Variants in GOLT1A observed in about 807,000 individuals in gnomAD.
The protein encoded by GOLT1A is golgi transport 1A, also known as vesicle transport protein GOT1A.
A neutral mutation model predicts 16.1 loss-of-function variants in GOLT1A; 10 were observed. The observed-to-expected ratio is 0.62, with a 90% CI of 0.38 to 1.05. The LOEUF is 1.05. GOLT1A is among the 50% of genes least tolerant of loss of function. GOLT1A has a pLI of 0.01. For missense variants in GOLT1A, 137 were observed against 165.7 expected (o/e 0.83, Z 0.95); for synonymous variants, 60 against 67.9 (o/e 0.88, Z 0.57).
chr1:204,202,849 A>G, intron 2 of GOLT1A, 47 bp downstream of exon 2: 1 of 1,367,616 alleles, frequency 7.3e-7, no homozygotes, highest in Non-Finnish European at 1.0e-6. Context: ...TAGAGACTTC[A>G]GAAAGGTTGG....
intron 4 of GOLT1A, 81 bp from the exon 5 acceptor site, chr1:204,198,577 G>C: frequency 2.2e-6 from 3 of 1,358,800 alleles, no homozygotes; most frequent in East Asian, 2.3e-5. Context: ...CTGGCCTTGA[G>C]AGCCAGGAGC....
chr1:204,207,849 A>G (rs1226203297), intron 1 of GOLT1A, among the ~76,000 whole-genome samples: 1 of 152,222 alleles, frequency 6.6e-6, no homozygotes, highest in Non-Finnish European at 1.5e-5. Flanking sequence ...CACTAAGGAC[A>G]TGAATAGACA....
intron 1 of GOLT1A, among the ~76,000 whole-genome samples, chr1:204,212,781 C>T (rs942102900): frequency 6.6e-6 from 1 of 152,062 alleles, no homozygotes; most frequent in African/African-American, 2.4e-5. Flanking sequence ...AGGTCATTAC[C>T]ATGGTCTATA....
At chr1:204,207,156 G>A (rs906455686) in intron 1 of GOLT1A, among the ~76,000 whole-genome samples, 1 of 152,256 alleles carries the variant, frequency 6.6e-6, no homozygotes, top group African/African-American at 2.4e-5. Context: ...CAGCAACCAT[G>A]GCAGAAAGAG....
chr1:204,205,830 G>A (rs921577167), intron 1 of GOLT1A, among the ~76,000 whole-genome samples: 7 of 152,192 alleles, frequency 4.6e-5, no homozygotes, highest in Non-Finnish European at 8.8e-5. Flanking sequence ...AGCACTTTGG[G>A]AGGCTGATGT....
intron 1 of GOLT1A, among the ~76,000 whole-genome samples, chr1:204,207,736 A>G (rs1432354107): frequency 6.6e-6 from 1 of 152,204 alleles, no homozygotes; most frequent in Non-Finnish European, 1.5e-5. Flanking sequence ...GGAAACTTGC[A>G]AGTACAGTAC....
intron 1 of GOLT1A, among the ~76,000 whole-genome samples, chr1:204,208,758 A>G (rs1336430043): frequency 6.6e-6 from 1 of 151,968 alleles, no homozygotes; most frequent in East Asian, 1.9e-4. Context: ...TACAATGTAC[A>G]CTGCTCGGGT....
At chr1:204,211,613 T>C (rs147826107) in intron 1 of GOLT1A, among the ~76,000 whole-genome samples, 1 of 152,338 alleles carries the variant, frequency 6.6e-6, no homozygotes, top group Non-Finnish European at 1.5e-5. Context: ...GGTAAGAGTA[T>C]ATTACTTGCA....
intron 1 of GOLT1A, among the ~76,000 whole-genome samples, chr1:204,207,440 C>T (rs1659059235): frequency 6.6e-6 from 1 of 152,160 alleles, no homozygotes. Flanking sequence ...GCACTGGTGC[C>T]CTTGTTTAGC....
chr1:204,210,875 T>C (rs759276500), intron 1 of GOLT1A, among the ~76,000 whole-genome samples: 10 of 152,166 alleles, frequency 6.6e-5, no homozygotes, highest in Non-Finnish European at 1.2e-4. Flanking sequence ...ACTGGGCTAA[T>C]CTTCAATCCC....
rs995483155 is a variant in GOLT1A, at chr1:204,213,969, C to A, written c.-63G>T. ...GGCAAGTGGAGCGTGGCCCAGAGGA[C>A]GCAGCTGGTACATGGTCACGGGAAG... is the stretch of plus-strand genomic sequence containing the variant. On this transcript the variant is annotated 5_prime_UTR_variant, in exon 1 of 5. Transcript: ENST00000308302. The A allele has an allele frequency of 5.1e-6, 8 of 1,578,998 alleles. No homozygotes were observed. The highest frequency in any genetic ancestry group is 1.7e-4 in the Middle Eastern group (1 of 6,028).
intron 1 of GOLT1A, among the ~76,000 whole-genome samples, chr1:204,208,379 CAT>C (rs1257528959): frequency 1.1e-4 from 9 of 82,858 alleles, no homozygotes; most frequent in African/African-American, 2.6e-4. Flanking sequence ...TATCTATACA[CAT>C]ATACACACAT....
At position 204,201,630 on chromosome 1, in the gene GOLT1A, CACTT is replaced by C. The variant is rs757325790; in HGVS notation, c.295_296+2del. The stretch of plus-strand genomic sequence containing the variant: ...GTCCAGGGTTATAGGGATTTGCACT[CACTT>C]AAAGAGGCTGAAGAATCCGTAGGTT... On this transcript the variant is annotated splice_donor_variant and coding_sequence_variant, in exon 3 of 5. Transcript: ENST00000308302. LOFTEE classifies it high-confidence loss of function. The C allele has an allele frequency of 9.9e-6, 16 of 1,613,814 alleles. No homozygotes were observed. The East Asian group carries it at 1.3e-4, about 13-fold the overall frequency.
intron 3 of GOLT1A, among the ~76,000 whole-genome samples, chr1:204,200,966 C>T (rs1485828597): frequency 6.6e-6 from 1 of 152,190 alleles, no homozygotes; most frequent in African/African-American, 2.4e-5. Context: ...CCAGTCTTCT[C>T]TTAGACCCTA....
intron 1 of GOLT1A, among the ~76,000 whole-genome samples, chr1:204,206,546 A>C (rs535037195): frequency 5.3e-5 from 8 of 152,300 alleles, no homozygotes; most frequent in African/African-American, 1.9e-4. Context: ...TCTTTCTTTA[A>C]CCCAAATGAT....
In GOLT1A at chr1:204,207,354, C is replaced by T. The variant is rs537734766; in HGVS notation, c.26-4367G>A. The stretch of plus-strand genomic sequence containing the variant: ...CTTCAGGGAGGCCCGGCTCTCCAGG[C>T]GCCACCTAGAAGTGGAGACCTCCCC... On this transcript the variant is annotated intron_variant, in intron 1 of 4. Coordinates refer to ENST00000308302, the MANE Select transcript of GOLT1A (RefSeq NM_198447.2). Among the ~76,000 whole-genome samples, 15 of 152,334 alleles carry T rather than the reference C, an allele frequency of 9.8e-5. No individual in the cohort carries two copies. The East Asian group carries it at 1.4e-3, about 14-fold the overall frequency.
intron 3 of GOLT1A, among the ~76,000 whole-genome samples, chr1:204,199,530 T>C (rs1376776086): frequency 6.6e-6 from 1 of 152,178 alleles, no homozygotes; most frequent in Non-Finnish European, 1.5e-5. Context: ...TGAATCTCAA[T>C]TTCCAGCCAT....
chr1:204,211,643 G>C lies in GOLT1A; in HGVS notation c.25+2239C>G, dbSNP rs77573384. 3.1e-3 allele frequency among the ~76,000 whole-genome samples: 468 copies of C among 152,248 alleles called. 9 individuals carry two copies. Among genetic ancestry groups the C allele is most frequent in the Non-Finnish European group, 2.6e-3 (176 of 68,006 alleles). On this transcript the variant is annotated intron_variant, in intron 1 of 4. Transcript: ENST00000308302. ...CTTGCAGGCTAATTGGTTTAACAAA[G>C]TGTCAGCGTGCCACTGGGTTGAGGA...
Position 204,213,881 on chromosome 1 carries a change from C to T in GOLT1A, c.25+1G>A, listed in dbSNP as rs1659177084. 1 of 1,613,370 alleles carries T rather than the reference C, an allele frequency of 6.2e-7. No individual in the cohort carries two copies. The highest frequency in any genetic ancestry group is 1.7e-5 in the Admixed American group (1 of 60,004). On this transcript the variant is annotated splice_donor_variant, in intron 1 of 4. Transcript: ENST00000308302. LOFTEE classifies it high-confidence loss of function. Reference sequence around the variant, plus strand: ...ATTGCAGCCCCGCTCATCCCACTTACTCTGCCATTCGGTGATGGAGATCAT... The same window carrying T: ...ATTGCAGCCCCGCTCATCCCACTTATTCTGCCATTCGGTGATGGAGATCAT...
Sources: gnomAD v4.1 joint callset for allele counts (sites outside exome capture counted in the v4.1 genomes callset) on GRCh38, gnomAD v4.1.1 for gene constraint, MANE v1.5 for transcripts, NCBI Gene and HGNC (gene_info 2026-07-23, HGNC 2026-07-21) for gene names.